TMEM181: variants seen among roughly 807,000 people sequenced by gnomAD.
TMEM181 encodes the protein transmembrane protein 181, also known as G protein-coupled receptor 178.
A neutral mutation model predicts 71.9 loss-of-function variants in TMEM181; 39 were observed. That is an observed-to-expected ratio of 0.54 (90% CI 0.42 to 0.71). The LOEUF is 0.71. Ranked by LOEUF, TMEM181 falls within the 30% of genes least tolerant of loss-of-function variation. The pLI, the probability that TMEM181 is intolerant of heterozygous loss-of-function variation, is 0.00. For missense variants in TMEM181, 595 were observed against 583.0 expected (o/e 1.02, Z -0.21); for synonymous variants, 245 against 228.8 (o/e 1.07, Z -0.64).
chr6:158,628,177 G>GC, intron 13 of TMEM181: 1 of 677,236 alleles, frequency 1.5e-6, no homozygotes, highest in South Asian at 1.5e-5. Context: ...CCTGCAGCCG[G>GC]CCGGTGGGTC....
chr6:158,563,987 A>C (rs1782341083), intron 1 of TMEM181, among the ~76,000 whole-genome samples: 1 of 152,218 alleles, frequency 6.6e-6, no homozygotes, highest in South Asian at 2.1e-4. Context: ...CATGTTGGCC[A>C]GGCTGGTCTT....
chr6:158,563,736 G>T (rs996514490), intron 1 of TMEM181, among the ~76,000 whole-genome samples: 2 of 152,220 alleles, frequency 1.3e-5, no homozygotes, highest in African/African-American at 2.4e-5. Flanking sequence ...ACCAGTCCTT[G>T]GGTAGCTTAG....
intron 2 of TMEM181, among the ~76,000 whole-genome samples, chr6:158,579,087 C>T (rs369404439): frequency 9.9e-5 from 15 of 151,786 alleles, no homozygotes; most frequent in African/African-American, 3.6e-4. Flanking sequence ...GGTGAAACCC[C>T]GTCTCTACTA....
chr6:158,580,419 GA>G (rs1178571143), intron 2 of TMEM181, among the ~76,000 whole-genome samples: 2 of 151,744 alleles, frequency 1.3e-5, no homozygotes, highest in African/African-American at 2.4e-5. Context: ...GTAAAAATTG[GA>G]AAAAAAACTA....
chr6:158,616,149 T>C (rs1785599690), intron 10 of TMEM181, among the ~76,000 whole-genome samples: 1 of 152,232 alleles, frequency 6.6e-6, no homozygotes, highest in African/African-American at 2.4e-5. Context: ...TTGTGTCCTC[T>C]TTTATTTCGT....
At chr6:158,540,774 C>CTT (rs577580699) in intron 1 of TMEM181, among the ~76,000 whole-genome samples, 260 of 151,894 alleles carry the variant, frequency 1.7e-3, no homozygotes, top group African/African-American at 5.6e-3. Flanking sequence ...GGAGCTGTTT[C>CTT]TTTTTTTTGA....
intron 1 of TMEM181, among the ~76,000 whole-genome samples, chr6:158,552,210 C>T (rs1324276185): frequency 1.3e-5 from 2 of 152,092 alleles, no homozygotes; most frequent in Non-Finnish European, 2.9e-5. Flanking sequence ...AAATATAAAT[C>T]CTTTGTTTTT....
chr6:158,630,407 G>A (rs752812064), intron 15 of TMEM181, among the ~76,000 whole-genome samples: 23 of 151,952 alleles, frequency 1.5e-4, no homozygotes, highest in Non-Finnish European at 3.1e-4. Context: ...GAGGAGGGAC[G>A]GTCGCTTGAG....
intron 1 of TMEM181, among the ~76,000 whole-genome samples, chr6:158,551,488 T>C (rs1781722900): frequency 6.6e-6 from 1 of 152,166 alleles, no homozygotes. Context: ...ACAATAACTG[T>C]GGATGACAAA....
At chr6:158,608,310 G>C (rs6925091) in intron 8 of TMEM181, 23 bp from the exon 9 acceptor site, 676,904 of 1,613,396 alleles carry the variant, frequency 0.42, 144,866 homozygotes, top group East Asian at 0.61. Flanking sequence ...TTTCCACATG[G>C]ATTTCTGCCC....
chr6:158,567,988 G>A (rs1427747576), intron 1 of TMEM181, among the ~76,000 whole-genome samples: 1 of 152,152 alleles, frequency 6.6e-6, no homozygotes. Context: ...GGCTGTTAAA[G>A]TGCTGTAATG....
At chr6:158,538,092 T>G (rs1781194332) in intron 1 of TMEM181, among the ~76,000 whole-genome samples, 1 of 151,828 alleles carries the variant, frequency 6.6e-6, no homozygotes, top group Non-Finnish European at 1.5e-5. Context: ...TTAAATAAGA[T>G]TATTTCCAAT....
At position 158,628,272 on chromosome 6, in the gene TMEM181, A is replaced by G. The variant is rs1554230733; in HGVS notation, c.1110-136A>G. 17 of 773,890 alleles carry G rather than the reference A, an allele frequency of 2.2e-5. No homozygotes were observed. In the South Asian group the frequency reaches 2.3e-4, roughly 11 times the overall value. 47.9% of individuals were successfully genotyped at this position (773,890 alleles called of 1,614,324 possible). On this transcript the variant is annotated intron_variant, in intron 13 of 16. Coordinates refer to ENST00000684151, the MANE Select transcript of TMEM181 (RefSeq NM_001376852.1). ...TGTGCATCTGTGCGTGCATCTGTGC[A>G]TGTGTGTGGAAGTTCCCATGCAGAA...
chr6:158,569,858 C>T (rs1477420341), intron 1 of TMEM181, among the ~76,000 whole-genome samples: 1 of 152,194 alleles, frequency 6.6e-6, no homozygotes. Flanking sequence ...GCCTCGGCCT[C>T]CCATGCCCTT....
intron 1 of TMEM181, among the ~76,000 whole-genome samples, chr6:158,549,343 T>G (rs1781646044): frequency 6.6e-6 from 1 of 152,174 alleles, no homozygotes; most frequent in African/African-American, 2.4e-5. Context: ...CTCGAACTCC[T>G]GACGTCGTGA....
chr6:158,600,670 G>A (rs1456074059), intron 6 of TMEM181, among the ~76,000 whole-genome samples: 1 of 149,892 alleles, frequency 6.7e-6, no homozygotes, highest in Non-Finnish European at 1.5e-5. Context: ...GGGGTTTTGC[G>A]ATGTTGCCCA....
chr6:158,633,410 C>A lies in TMEM181; in HGVS notation c.*1522C>A, dbSNP rs1786767666. ...GACGTCTCCCGTGCTTTCCTCTTGACCTCTACAGTCACACTTCTGTTAACA... is the reference window on the plus strand; with the variant it reads ...GACGTCTCCCGTGCTTTCCTCTTGAACTCTACAGTCACACTTCTGTTAACA... On this transcript the variant is annotated 3_prime_UTR_variant, in exon 17 of 17. Transcript: ENST00000684151. 1 of 152,242 alleles carries A rather than the reference C, an allele frequency of 6.6e-6. No individual in the cohort carries two copies. The allele number at this position is 152,242 out of a possible 1,614,324, so 9.4% of individuals were successfully genotyped here.
chr6:158,611,543 A>G, intron 10 of TMEM181: 1 of 455,418 alleles, frequency 2.2e-6, no homozygotes. Flanking sequence ...TATCTTTGGA[A>G]TCAGCCTTAA....
intron 2 of TMEM181, among the ~76,000 whole-genome samples, chr6:158,577,997 G>A (rs1783257741): frequency 6.6e-6 from 1 of 152,228 alleles, no homozygotes; most frequent in Non-Finnish European, 1.5e-5. Flanking sequence ...GGCTGAGGCA[G>A]GAGAATCTCT....
Sources: gnomAD v4.1 joint callset for allele counts (sites outside exome capture counted in the v4.1 genomes callset) on GRCh38, gnomAD v4.1.1 for gene constraint, MANE v1.5 for transcripts, NCBI Gene and HGNC (gene_info 2026-07-23, HGNC 2026-07-21) for gene names.